The following USP25 variants were observed in gnomAD, a reference collection of about 807,000 sequenced individuals.
USP25 encodes ubiquitin carboxyl-terminal hydrolase 25.
USP25 carries 85 observed loss-of-function variants against 158.5 expected under a neutral mutation model. The observed-to-expected ratio is 0.54, with a 90% CI of 0.45 to 0.64. The LOEUF is 0.64. Among genes scored for constraint, USP25 ranks in the 30% least tolerant of loss-of-function variants. USP25 has a pLI of 0.00. For synonymous variants in USP25, 464 were observed against 460.4 expected (o/e 1.01, Z -0.10); for missense variants, 1,242 against 1,327.3 (o/e 0.94, Z 1.00).
At chr21:15,784,173 G>A (rs1338101060) in intron 4 of USP25, among the ~76,000 whole-genome samples, 1 of 152,206 alleles carries the variant, frequency 6.6e-6, no homozygotes, top group African/African-American at 2.4e-5. Context: ...ATACCCCAGT[G>A]CTGTAATGGT....
intron 6 of USP25, among the ~76,000 whole-genome samples, chr21:15,800,466 G>A (rs1308446852): frequency 6.6e-6 from 1 of 150,772 alleles, no homozygotes; most frequent in East Asian, 1.9e-4. Flanking sequence ...AACATGTAAG[G>A]GGCTTAAAAG....
intron 4 of USP25, among the ~76,000 whole-genome samples, chr21:15,784,507 G>A (rs891713953): frequency 7.9e-5 from 12 of 152,110 alleles, no homozygotes; most frequent in Non-Finnish European, 5.9e-5. Flanking sequence ...GGGAGGTGGA[G>A]GTTGTGGTGA....
At chr21:15,868,773 T>C (rs1258783464) in intron 22 of USP25, among the ~76,000 whole-genome samples, 1 of 152,270 alleles carries the variant, frequency 6.6e-6, no homozygotes, top group East Asian at 1.9e-4. Context: ...GTCTAAAATA[T>C]TATCTGGCCT....
chr21:15,868,799 T>G (rs1332387401), intron 22 of USP25, among the ~76,000 whole-genome samples: 1 of 152,204 alleles, frequency 6.6e-6, no homozygotes, highest in African/African-American at 2.4e-5. Context: ...AGAAAAAGTT[T>G]GCCTACTCAC....
intron 21 of USP25, among the ~76,000 whole-genome samples, chr21:15,865,112 A>T (rs2039600501): frequency 6.6e-6 from 1 of 152,090 alleles, no homozygotes; most frequent in Non-Finnish European, 1.5e-5. Context: ...TTTCCAGAGA[A>T]TGTTTTCTCT....
intron 7 of USP25, among the ~76,000 whole-genome samples, chr21:15,806,736 A>C (rs907431252): frequency 6.6e-6 from 1 of 152,188 alleles, no homozygotes; most frequent in Non-Finnish European, 1.5e-5. Context: ...TAAACACTTG[A>C]ATTTGAAGTC....
In USP25 at chr21:15,736,886, T is replaced by A. The variant is rs1304848936; in HGVS notation, c.45+6448T>A. On this transcript the variant is annotated intron_variant, in intron 1 of 25. Coordinates refer to ENST00000400183, the MANE Select transcript of USP25 (RefSeq NM_001283041.3). The stretch of plus-strand genomic sequence containing the variant: ...CTGTGTTTTTTGGTCTGTTGTATAA[T>A]GCTTTTTGATGGTTTGATGCCACTC... Among the ~76,000 whole-genome samples the A allele has an allele frequency of 7.2e-5, 11 of 151,894 alleles. No homozygotes were observed. The East Asian group carries it at 2.1e-3, about 29-fold the overall frequency.
chr21:15,865,767 G>A (rs1301789298), intron 21 of USP25, among the ~76,000 whole-genome samples: 1 of 152,074 alleles, frequency 6.6e-6, no homozygotes, highest in Admixed American at 6.6e-5. Flanking sequence ...GAAAGACAGA[G>A]TTATGCACAT....
Position 15,826,492 on chromosome 21 carries a change from AT to A in USP25, c.1466+129del, listed in dbSNP as rs1257615034. ...TACTTCAGTGAACTCCTAAGAGTAGATTCACTTAGAAGACTGTATGTCCTCT... is the reference window on the plus strand; with the variant it reads ...TACTTCAGTGAACTCCTAAGAGTAGATCACTTAGAAGACTGTATGTCCTCT... On this transcript the variant is annotated intron_variant, in intron 13 of 25. Coordinates refer to ENST00000400183, the MANE Select transcript of USP25 (RefSeq NM_001283041.3). The surrounding 1 kb of genome is among the most constrained non-coding windows in gnomAD (Gnocchi z 4.8). The A allele has an allele frequency of 9.3e-7, 1 of 1,080,898 alleles. No homozygotes were observed. Among genetic ancestry groups the A allele is most frequent in the Non-Finnish European group, 1.3e-6 (1 of 755,114 alleles). 67.0% of individuals were successfully genotyped at this position (1,080,898 alleles called of 1,614,324 possible).
intron 23 of USP25, among the ~76,000 whole-genome samples, chr21:15,872,309 T>A (rs1421358373): frequency 6.6e-6 from 1 of 152,146 alleles, no homozygotes; most frequent in African/African-American, 2.4e-5. Context: ...TAAATTTATT[T>A]GAATATACAT....
chr21:15,869,918 G>T (rs2039814902), intron 22 of USP25, 150 bp from the exon 23 acceptor site: 2 of 475,562 alleles, frequency 4.2e-6, no homozygotes, highest in Non-Finnish European at 3.6e-6. Context: ...AGAAAGTAAA[G>T]TCTTGTTTTA....
At chr21:15,854,170 A>T (rs1851057430) in intron 20 of USP25, among the ~76,000 whole-genome samples, 1 of 151,846 alleles carries the variant, frequency 6.6e-6, no homozygotes, top group Non-Finnish European at 1.5e-5. Flanking sequence ...GTTTGAGGCA[A>T]AGTCTCACTC....
intron 3 of USP25, among the ~76,000 whole-genome samples, chr21:15,776,906 A>C (rs2034688087): frequency 6.6e-6 from 1 of 152,186 alleles, no homozygotes; most frequent in Admixed American, 6.5e-5. Context: ...AATACAAATA[A>C]GCATAATCCC....
intron 1 of USP25, among the ~76,000 whole-genome samples, chr21:15,759,432 A>ATATTATG (rs140331226): frequency 0.038 from 5,798 of 152,296 alleles, 156 homozygotes; most frequent in Middle Eastern, 0.13. Flanking sequence ...TTGCTTTTAT[A>ATATTATG]CATTTTAAGG....
At chr21:15,872,014 G>GTTTTTTTTT (rs1158862222) in intron 23 of USP25, among the ~76,000 whole-genome samples, 1 of 71,644 alleles carries the variant, frequency 1.4e-5, no homozygotes, top group African/African-American at 5.2e-5. Flanking sequence ...AAGAAATACT[G>GTTTTTTTTT]TTTTTTTTTT....
intron 1 of USP25, among the ~76,000 whole-genome samples, chr21:15,742,587 T>C (rs1056223378): frequency 5.3e-5 from 8 of 152,128 alleles, no homozygotes; most frequent in African/African-American, 2.4e-5. Context: ...CCCTGAAGTT[T>C]TCCCATGGGG....
chr21:15,865,220 A>C (rs2039604436), intron 21 of USP25, among the ~76,000 whole-genome samples: 1 of 152,138 alleles, frequency 6.6e-6, no homozygotes, highest in Admixed American at 6.5e-5. Context: ...GACACTAGAA[A>C]ATAATTTCAG....
intron 1 of USP25, among the ~76,000 whole-genome samples, chr21:15,748,674 G>C (rs1303650800): frequency 6.6e-6 from 1 of 151,998 alleles, no homozygotes; most frequent in East Asian, 1.9e-4. Context: ...ATTATGTTCT[G>C]TTGGGTAGCT....
chr21:15,795,742 G>A (rs1213469023), intron 5 of USP25, among the ~76,000 whole-genome samples: 1 of 151,492 alleles, frequency 6.6e-6, no homozygotes, highest in African/African-American at 2.4e-5. Flanking sequence ...ACCCACAGAG[G>A]GGAGGCAATT....
Sources: allele counts gnomAD v4.1 joint callset (sites outside exome capture counted in the v4.1 genomes callset), GRCh38; gene constraint gnomAD v4.1.1; non-coding constraint Gnocchi (gnomAD v3.1); transcripts MANE v1.5; gene names NCBI Gene and HGNC (gene_info 2026-07-23, HGNC 2026-07-21).